NELL1: variants seen among roughly 807,000 people sequenced by gnomAD.
NELL1 encodes the protein neural EGFL like 1.
Under a neutral mutation model 107.4 loss-of-function variants are expected in NELL1, and 76 were observed. The ratio of observed to expected loss-of-function variants is 0.71; its 90% confidence interval spans 0.59 to 0.86. NELL1 has a LOEUF of 0.86. Ranked by LOEUF, NELL1 falls within the 40% of genes least tolerant of loss-of-function variation. NELL1 has a pLI of 0.00. For synonymous variants in NELL1, 353 were observed against 341.2 expected, an observed-to-expected ratio of 1.03 and a Z score of -0.38; for missense variants, 1,024 against 1,005.5, an observed-to-expected ratio of 1.02 and a Z score of -0.25.
chr11:21,261,417 T>C (rs944710041), intron 14 of NELL1, among the ~76,000 whole-genome samples: 1 of 151,764 alleles, frequency 6.6e-6, no homozygotes, highest in Admixed American at 6.6e-5. Context: ...TAGTTTTATT[T>C]CTTTTATTAT....
chr11:21,370,705 C>A (rs1198015040), intron 14 of NELL1, 148 bp from the exon 15 acceptor site: 3 of 592,890 alleles, frequency 5.1e-6, no homozygotes, highest in African/African-American at 3.8e-5. Flanking sequence ...ACATTTATTT[C>A]TTTTTCTGTA....
intron 2 of NELL1, among the ~76,000 whole-genome samples, chr11:20,758,863 T>C (rs1423964482): frequency 6.6e-6 from 1 of 152,220 alleles, no homozygotes; most frequent in African/African-American, 2.4e-5. Context: ...TTAGAGTCTC[T>C]TCTATTAATA....
intron 15 of NELL1, among the ~76,000 whole-genome samples, chr11:21,414,036 C>T (rs1590913885): frequency 1.3e-5 from 2 of 152,016 alleles, no homozygotes; most frequent in South Asian, 4.1e-4. Context: ...AGCCTTACAA[C>T]ACAAACTCAC....
chr11:20,988,077 A>C (rs1377175501), intron 12 of NELL1, among the ~76,000 whole-genome samples: 4 of 152,198 alleles, frequency 2.6e-5, no homozygotes. Flanking sequence ...TTCAGAACTT[A>C]AATATGTTGT....
intron 13 of NELL1, among the ~76,000 whole-genome samples, chr11:21,178,089 G>A (rs2133820495): frequency 6.6e-6 from 1 of 151,558 alleles, no homozygotes; most frequent in East Asian, 1.9e-4. Context: ...TCTGTTAATT[G>A]TTTTCTTTGC....
Position 21,534,423 on chromosome 11 carries a change from C to T in NELL1, c.1695C>T (p.Arg565=). 1 of 1,613,866 alleles carries T rather than the reference C, an allele frequency of 6.2e-7. No homozygotes were observed. Among genetic ancestry groups the T allele is most frequent in the South Asian group, 1.1e-5 (1 of 91,084 alleles). The change falls in exon 16 of 20, where the codon CGC becomes CGT. Residue 565 remains arginine, a synonymous_variant. Coordinates refer to ENST00000357134, the MANE Select transcript of NELL1 (RefSeq NM_006157.5). ...TCATTGAGTGCCACAACCATTCCCG[C>T]TGCGTTAACCTGCCAGGGTGGTACC... ...EGIIECHNHS[R]CVNLPGWYHC...
At chr11:21,138,354 G>A (rs1486599322) in intron 13 of NELL1, among the ~76,000 whole-genome samples, 1 of 152,070 alleles carries the variant, frequency 6.6e-6, no homozygotes, top group African/African-American at 2.4e-5. Context: ...ATTACCTCAT[G>A]TTCATTTCCA....
intron 13 of NELL1, among the ~76,000 whole-genome samples, chr11:21,146,027 A>G (rs1399678309): frequency 6.6e-6 from 1 of 152,170 alleles, no homozygotes; most frequent in Non-Finnish European, 1.5e-5. Context: ...CCTCCCTTGG[A>G]CAATATAAGT....
intron 13 of NELL1, among the ~76,000 whole-genome samples, chr11:21,121,215 G>A (rs1034782809): frequency 6.6e-6 from 1 of 152,150 alleles, no homozygotes; most frequent in Admixed American, 6.6e-5. Flanking sequence ...GAAATGGGAA[G>A]GGATATGAAT....
At chr11:20,708,042 A>G (rs1855014715) in intron 2 of NELL1, among the ~76,000 whole-genome samples, 1 of 152,238 alleles carries the variant, frequency 6.6e-6, no homozygotes, top group Non-Finnish European at 1.5e-5. Flanking sequence ...AGCCTCAGCA[A>G]TGGTGAGCGC....
chr11:21,184,887 A>T (rs1010620934), intron 13 of NELL1, among the ~76,000 whole-genome samples: 3 of 151,866 alleles, frequency 2.0e-5, no homozygotes, highest in Admixed American at 6.5e-5. Flanking sequence ...ATATAATATT[A>T]AAAAAATTGA....
At chr11:21,524,938 G>T (rs1279437839) in intron 15 of NELL1, among the ~76,000 whole-genome samples, 1 of 152,162 alleles carries the variant, frequency 6.6e-6, no homozygotes, top group Admixed American at 6.5e-5. Flanking sequence ...AAACACATGT[G>T]TCATGTAAAG....
chr11:20,810,442 C>T (rs1160292937), intron 3 of NELL1, among the ~76,000 whole-genome samples: 3 of 152,190 alleles, frequency 2.0e-5, no homozygotes, highest in African/African-American at 7.2e-5. Context: ...CATAGCTTAG[C>T]TCCCACATAT....
intron 18 of NELL1, 131 bp downstream of exon 18, chr11:21,571,071 G>A (rs1753265968): frequency 1.4e-6 from 1 of 699,408 alleles, no homozygotes; most frequent in African/African-American, 1.8e-5. Context: ...TGTGGCTAAG[G>A]GTCATGTTCT....
chr11:21,552,460 T>C (rs1395214082), intron 16 of NELL1, among the ~76,000 whole-genome samples: 1 of 151,486 alleles, frequency 6.6e-6, no homozygotes, highest in Non-Finnish European at 1.5e-5. Context: ...CAACTTAGTT[T>C]GGCTTATATG....
chr11:21,346,939 CCAAA>C, intron 14 of NELL1, among the ~76,000 whole-genome samples: 1 of 152,228 alleles, frequency 6.6e-6, no homozygotes, highest in East Asian at 1.9e-4. Context: ...ATAATAATAA[CCAAA>C]TGTTAAGCTA....
intron 17 of NELL1, among the ~76,000 whole-genome samples, chr11:21,565,094 C>T (rs1462186211): frequency 6.6e-6 from 1 of 151,892 alleles, no homozygotes; most frequent in Non-Finnish European, 1.5e-5. Flanking sequence ...CAGCAAACTG[C>T]TCATAAAAAT....
intron 2 of NELL1, among the ~76,000 whole-genome samples, chr11:20,701,314 G>C: frequency 6.6e-6 from 1 of 152,088 alleles, no homozygotes; most frequent in South Asian, 2.1e-4. Context: ...CTTCTTTTGA[G>C]AAGTGTCTGT....
At chr11:20,796,363 A>G (rs1450434227) in intron 3 of NELL1, among the ~76,000 whole-genome samples, 1 of 152,192 alleles carries the variant, frequency 6.6e-6, no homozygotes, top group Non-Finnish European at 1.5e-5. Context: ...AATGTAGGGT[A>G]GGAGGAAAGG....
Sources: gnomAD v4.1 joint callset for allele counts (sites outside exome capture counted in the v4.1 genomes callset) on GRCh38, gnomAD v4.1.1 for gene constraint, MANE v1.5 for transcripts, NCBI Gene and HGNC (gene_info 2026-07-23, HGNC 2026-07-21) for gene names.